PCDHA2: variants seen among roughly 807,000 people sequenced by gnomAD.
PCDHA2 encodes protocadherin alpha-2.
Under a neutral mutation model 66.0 loss-of-function variants are expected in PCDHA2, and 58 were observed. The ratio of observed to expected loss-of-function variants is 0.88; its 90% CI spans 0.71 to 1.09. The LOEUF (loss-of-function observed/expected upper bound fraction) is 1.09. Among genes scored for constraint, PCDHA2 ranks in the 50% least tolerant of loss-of-function variants. The pLI, the probability that PCDHA2 is intolerant of heterozygous loss-of-function variation, is 0.00. For synonymous variants in PCDHA2, 634 were observed against 554.0 expected, an observed-to-expected ratio of 1.14 and a Z score of -2.03; for missense variants, 1,267 against 1,242.3, an observed-to-expected ratio of 1.02 and a Z score of -0.30.
intron 1 of PCDHA2, chr5:140,969,317 G>A (rs1554231675): frequency 6.2e-7 from 1 of 1,614,156 alleles, no homozygotes; most frequent in East Asian, 2.2e-5. Context: ...AAATGAGGCT[G>A]TTTCTCAAAA....
intron 1 of PCDHA2, among the ~76,000 whole-genome samples, chr5:140,908,701 C>A (rs2074102440): frequency 6.6e-6 from 1 of 152,218 alleles, no homozygotes; most frequent in Admixed American, 6.5e-5. Context: ...ACACCTCAAG[C>A]ACCATTGGAT....
chr5:140,982,705 T>A, intron 3 of PCDHA2, 142 bp downstream of exon 3: 1 of 1,376,850 alleles, frequency 7.3e-7, no homozygotes, highest in Non-Finnish European at 9.5e-7. Flanking sequence ...CATGATTTCC[T>A]TACATATATG....
Position 140,841,614 on chromosome 5 carries a change from G to A in PCDHA2, c.2388+44262G>A, listed in dbSNP as rs144868773. On this transcript the variant is annotated intron_variant, in intron 1 of 3. Transcript: ENST00000526136. The stretch of plus-strand genomic sequence containing the variant: ...ATCGACCGCGAGGAGCTGTGCGGGC[G>A]GAGCGCGGAGTGCAGCATCCACCTG... 3,076 of 1,614,122 alleles carry A rather than the reference G, an allele frequency of 1.9e-3. 76 individuals carry two copies. The African/African-American group carries it at 0.036, about 19-fold the overall frequency.
Position 140,795,648 on chromosome 5 carries a change from A to G in PCDHA2, c.684A>G (p.Ile228Met), listed in dbSNP as rs150530045. The part of the protein sequence containing the change: ...GKPELTGTVQ[I>M]LIKVLDVNDN... ...CTGAGCTCACGGGCACCGTTCAAAT[A>G]CTTATTAAGGTATTAGATGTAAATG... The change falls in exon 1 of 4, where the codon ATA (isoleucine) becomes ATG (methionine). Residue 228 changes from isoleucine to methionine, a missense_variant. Coordinates refer to ENST00000526136, the MANE Select transcript of PCDHA2 (RefSeq NM_018905.3). 2.0e-4 allele frequency: 318 copies of G among 1,614,138 alleles called. 1 individual carries two copies. The African/African-American group carries it at 3.7e-3, about 19-fold the overall frequency.
chr5:140,824,042 G>C (rs2150067229), intron 1 of PCDHA2: 1 of 1,614,148 alleles, frequency 6.2e-7, no homozygotes, highest in Non-Finnish European at 8.5e-7. Flanking sequence ...AGGAGACAGA[G>C]GGTGTGCTCT....
chr5:140,798,881 A>C (rs1162494527), intron 1 of PCDHA2, among the ~76,000 whole-genome samples: 1 of 152,124 alleles, frequency 6.6e-6, no homozygotes, highest in Non-Finnish European at 1.5e-5. Flanking sequence ...GTTCTTAGTT[A>C]TTTGCTGTTT....
At chr5:140,830,335 G>C (rs1236321619) in intron 1 of PCDHA2, 10 of 1,613,956 alleles carry the variant, frequency 6.2e-6, no homozygotes, top group Non-Finnish European at 3.4e-6. Flanking sequence ...TGGGGAGCTG[G>C]TCGTACTCGC....
intron 3 of PCDHA2, among the ~76,000 whole-genome samples, chr5:141,004,046 C>A (rs79317939): frequency 0.03 from 4,581 of 152,294 alleles, 86 homozygotes; most frequent in Non-Finnish European, 0.047. Flanking sequence ...TGATCATTTG[C>A]TGATACTGGC....
Position 140,876,990 on chromosome 5 carries a change from C to T in PCDHA2, c.2388+79638C>T, listed in dbSNP as rs374520504. The T allele has an allele frequency of 2.2e-5, 35 of 1,612,500 alleles. No individual in the cohort carries two copies. In the South Asian group the frequency reaches 2.9e-4, roughly 13 times the overall value. On this transcript the variant is annotated intron_variant, in intron 1 of 3. Coordinates refer to ENST00000526136, the MANE Select transcript of PCDHA2 (RefSeq NM_018905.3). ...GGGTGGGCGAGCACGCACTGTCGAG[C>T]TACGTGTCGGTGCACGCGGAGAGCG... is the stretch of plus-strand genomic sequence containing the variant.
At chr5:141,008,347 G>A (rs551037675) in intron 3 of PCDHA2, among the ~76,000 whole-genome samples, 7 of 152,244 alleles carry the variant, frequency 4.6e-5, no homozygotes, top group South Asian at 2.1e-4. Flanking sequence ...AGCTTTTCAC[G>A]TGTCAACCAA....
intron 1 of PCDHA2, among the ~76,000 whole-genome samples, chr5:140,806,044 G>T (rs1241673767): frequency 6.6e-6 from 1 of 152,094 alleles, no homozygotes; most frequent in Non-Finnish European, 1.5e-5. Flanking sequence ...TGTAATAAAT[G>T]GCCCACGCGA....
rs139607260 is a variant in PCDHA2, at chr5:140,954,243, A to C, written c.2389-24706A>C. ...TATTGTGAATAGTGCTGCAATGAAC[A>C]TACACATGCAGGTATCTTTATAATA... On this transcript the variant is annotated intron_variant, in intron 1 of 3. Transcript: ENST00000526136. Among the ~76,000 whole-genome samples the C allele has an allele frequency of 3.2e-4, 49 of 152,350 alleles. No individual in the cohort carries two copies. In the East Asian group the frequency reaches 9.1e-3, roughly 28 times the overall value.
At chr5:140,883,781 T>C (rs1156481556) in intron 1 of PCDHA2, 1 of 1,612,432 alleles carries the variant, frequency 6.2e-7, no homozygotes, top group Non-Finnish European at 8.5e-7. Flanking sequence ...GCGTGCGCTG[T>C]CGAGCTACGT....
At chr5:140,918,928 C>A (rs2078929450) in intron 1 of PCDHA2, among the ~76,000 whole-genome samples, 1 of 152,172 alleles carries the variant, frequency 6.6e-6, no homozygotes, top group South Asian at 2.1e-4. Context: ...CAGCATATGG[C>A]ATTTTGTTAT....
Position 141,010,029 on chromosome 5 carries a change from A to G in PCDHA2, c.*92A>G, listed in dbSNP as rs2098415771. 1.1e-5 allele frequency: 17 copies of G among 1,580,452 alleles called. No individual in the cohort carries two copies. In the Admixed American group the frequency reaches 3.1e-4, roughly 29 times the overall value. On this transcript the variant is annotated 3_prime_UTR_variant, in exon 4 of 4. Coordinates refer to ENST00000526136, the MANE Select transcript of PCDHA2 (RefSeq NM_018905.3). ...AATTCCCTGCTCCTTTTTCCTATCT[A>G]CATGAGCCCTCTTAGAGACCTCAGA...
chr5:140,972,235 G>A (rs1368131761), intron 1 of PCDHA2, among the ~76,000 whole-genome samples: 2 of 151,838 alleles, frequency 1.3e-5, no homozygotes, highest in African/African-American at 4.8e-5. Context: ...GACCTTCTGG[G>A]CTCAAGCAAT....
chr5:140,939,311 C>A (rs972598257), intron 1 of PCDHA2, among the ~76,000 whole-genome samples: 1 of 152,130 alleles, frequency 6.6e-6, no homozygotes, highest in African/African-American at 2.4e-5. Flanking sequence ...AAAGCCCTAC[C>A]TCCTAATATC....
rs567366418 is a variant in PCDHA2 at position 140,912,439 on chromosome 5, G to T, written c.2389-66510G>T. 2.6e-5 allele frequency among the ~76,000 whole-genome samples: 4 copies of T among 151,104 alleles called. No individual in the cohort carries two copies. The East Asian group carries it at 7.8e-4, about 29-fold the overall frequency. On this transcript the variant is annotated intron_variant, in intron 1 of 3. Transcript: ENST00000526136. ...TGGTGTATAGCAGTGTTGCTGATTT[G>T]TGTGCATTGATTTTGTATCCTGGAA...
intron 1 of PCDHA2, among the ~76,000 whole-genome samples, chr5:140,944,291 G>T (rs155813): frequency 6.6e-6 from 1 of 151,928 alleles, no homozygotes; most frequent in African/African-American, 2.4e-5. Flanking sequence ...GGGCTCAAGC[G>T]ATCCTCCTAC....
Sources: allele counts gnomAD v4.1 joint callset (sites outside exome capture counted in the v4.1 genomes callset), GRCh38; gene constraint gnomAD v4.1.1; transcripts MANE v1.5; gene names NCBI Gene and HGNC (gene_info 2026-07-23, HGNC 2026-07-21).